Variants in NRG3 observed in about 807,000 individuals in gnomAD.
NRG3 encodes pro-neuregulin-3, membrane-bound isoform.
A neutral mutation model predicts 66.9 loss-of-function variants in NRG3; 31 were observed. That is an observed-to-expected ratio of 0.46 (90% confidence interval 0.35 to 0.63). The LOEUF (loss-of-function observed/expected upper bound fraction) is 0.63, where lower values mean the gene tolerates loss of function less well. NRG3 is among the 20% of genes least tolerant of loss of function. The pLI is 0.00. For missense variants in NRG3, 910 were observed against 878.9 expected (o/e 1.04, Z -0.45); for synonymous variants, 393 against 359.4 (o/e 1.09, Z -1.06).
At chr10:82,608,675 T>C (rs2133469569) in intron 2 of NRG3, among the ~76,000 whole-genome samples, 1 of 152,198 alleles carries the variant, frequency 6.6e-6, no homozygotes, top group East Asian at 1.9e-4. Flanking sequence ...CTCTTCCCTT[T>C]TAGGTGATAA....
intron 4 of NRG3, among the ~76,000 whole-genome samples, chr10:82,944,184 C>A (rs1046328892): frequency 2.0e-5 from 3 of 152,094 alleles, no homozygotes; most frequent in South Asian, 2.1e-4. Flanking sequence ...AAACTCAGAA[C>A]CTTTTTTTAT....
intron 3 of NRG3, among the ~76,000 whole-genome samples, chr10:82,829,322 G>T (rs1473934242): frequency 2.6e-5 from 4 of 151,342 alleles, no homozygotes; most frequent in African/African-American, 9.8e-5. Flanking sequence ...TGATTTTAAA[G>T]AATAATTGAA....
chr10:81,919,356 T>G (rs187162082), intron 1 of NRG3, among the ~76,000 whole-genome samples: 5 of 152,318 alleles, frequency 3.3e-5, no homozygotes, highest in African/African-American at 1.2e-4. Context: ...ATCTGCCTCT[T>G]AAACCTCTTT....
chr10:82,764,266 C>T (rs966864763), intron 3 of NRG3, among the ~76,000 whole-genome samples: 1 of 152,104 alleles, frequency 6.6e-6, no homozygotes, highest in African/African-American at 2.4e-5. Flanking sequence ...AACTCGTAGC[C>T]TCAAGTGATC....
At chr10:82,177,523 A>T (rs1344237149) in intron 1 of NRG3, among the ~76,000 whole-genome samples, 4 of 152,212 alleles carry the variant, frequency 2.6e-5, no homozygotes, top group Non-Finnish European at 4.4e-5. Context: ...CTTAGAGCAT[A>T]ATCCAACTAA....
chr10:82,416,083 A>G (rs191444979), intron 2 of NRG3, among the ~76,000 whole-genome samples: 1 of 152,320 alleles, frequency 6.6e-6, no homozygotes. Context: ...TCTTCCCAGG[A>G]TTCAAAGTAT....
At chr10:82,161,729 C>T (rs2071617197) in intron 1 of NRG3, among the ~76,000 whole-genome samples, 1 of 152,000 alleles carries the variant, frequency 6.6e-6, no homozygotes, top group Non-Finnish European at 1.5e-5. Context: ...CTTCCTGACC[C>T]ATACTATCTG....
At chr10:81,992,428 A>G (rs868280515) in intron 1 of NRG3, among the ~76,000 whole-genome samples, 7 of 152,134 alleles carry the variant, frequency 4.6e-5, no homozygotes, top group Non-Finnish European at 8.8e-5. Context: ...GTGGAAGAAC[A>G]TTGGCCATGT....
chr10:81,951,143 C>T (rs950464090), intron 1 of NRG3, among the ~76,000 whole-genome samples: 1 of 152,042 alleles, frequency 6.6e-6, no homozygotes, highest in African/African-American at 2.4e-5. Flanking sequence ...CTTAAGTCAA[C>T]GTTTCTGATC....
chr10:82,452,813 A>G (rs1288923209), intron 2 of NRG3, among the ~76,000 whole-genome samples: 1 of 152,120 alleles, frequency 6.6e-6, no homozygotes, highest in Non-Finnish European at 1.5e-5. Flanking sequence ...AGTCTCCCTG[A>G]GTATTTGCCC....
At chr10:81,964,881 C>T (rs1208659335) in intron 1 of NRG3, among the ~76,000 whole-genome samples, 1 of 152,150 alleles carries the variant, frequency 6.6e-6, no homozygotes, top group Non-Finnish European at 1.5e-5. Context: ...ATTTCATCTT[C>T]TGTGACTATG....
rs370773918 is a variant in NRG3, at chr10:82,170,654, GTATATATATATATATATATATATATATA to G, written c.824-188069_824-188042del. Among the ~76,000 whole-genome samples, 131 of 74,204 alleles carry G rather than the reference GTATATATATATATATATATATATATATA, an allele frequency of 1.8e-3. 2 individuals are homozygous for G. The highest frequency in any genetic ancestry group is 4.7e-3 in the African/African-American group (119 of 25,302). The allele number at this position is 74,204 out of a possible 152,430, so 48.7% of individuals were successfully genotyped here. ...TGAGATGATGTTTATAAAACTTGTG[GTATATATATATATATATATATATATATA>G]TATATATATATATATGTAAATATAT... is the stretch of plus-strand genomic sequence containing the variant. On this transcript the variant is annotated intron_variant, in intron 1 of 8. Coordinates refer to ENST00000372141, the MANE Select transcript of NRG3 (RefSeq NM_001010848.4).
chr10:82,022,900 C>T (rs998607082), intron 1 of NRG3, among the ~76,000 whole-genome samples: 13 of 150,916 alleles, frequency 8.6e-5, no homozygotes, highest in African/African-American at 2.7e-4. Flanking sequence ...ATATATTTAA[C>T]TAATCAATTT....
intron 1 of NRG3, among the ~76,000 whole-genome samples, chr10:82,139,974 A>G (rs2069651346): frequency 6.6e-6 from 1 of 152,114 alleles, no homozygotes; most frequent in Non-Finnish European, 1.5e-5. Context: ...TTGTGTTTTA[A>G]TAAGGTTTTC....
intron 1 of NRG3, among the ~76,000 whole-genome samples, chr10:82,012,656 C>T (rs552010154): frequency 6.6e-6 from 1 of 152,284 alleles, no homozygotes; most frequent in East Asian, 1.9e-4. Flanking sequence ...ACTGAAGTCA[C>T]CTCTTGAATG....
At chr10:82,810,696 G>T (rs1347729647) in intron 3 of NRG3, among the ~76,000 whole-genome samples, 1 of 144,530 alleles carries the variant, frequency 6.9e-6, no homozygotes. Flanking sequence ...CCGGGAGACG[G>T]AAGTTGTGGT....
chr10:82,389,068 A>G (rs1210657880), intron 2 of NRG3, among the ~76,000 whole-genome samples: 1 of 152,198 alleles, frequency 6.6e-6, no homozygotes, highest in East Asian at 1.9e-4. Flanking sequence ...TTAGCACATG[A>G]TGGCATCTTC....
At chr10:82,653,512 G>T (rs1304172072) in intron 2 of NRG3, among the ~76,000 whole-genome samples, 1 of 152,182 alleles carries the variant, frequency 6.6e-6, no homozygotes, top group Non-Finnish European at 1.5e-5. Flanking sequence ...AAGAGAAAAT[G>T]AAAGAACTTG....
At chr10:82,279,515 C>T (rs1039647990) in intron 1 of NRG3, among the ~76,000 whole-genome samples, 1 of 152,100 alleles carries the variant, frequency 6.6e-6, no homozygotes, top group Non-Finnish European at 1.5e-5. Context: ...TGACTGAAAA[C>T]CTTTTATACT....
Sources: allele counts gnomAD v4.1 joint callset (sites outside exome capture counted in the v4.1 genomes callset), GRCh38; gene constraint gnomAD v4.1.1; transcripts MANE v1.5; gene names NCBI Gene and HGNC (gene_info 2026-07-23, HGNC 2026-07-21).